Variants in CDH13 observed in about 807,000 individuals in gnomAD.
CDH13 encodes cadherin-13.
In CDH13, 24 loss-of-function variants were observed where a neutral mutation model predicts 63.8. The ratio of observed to expected loss-of-function variants is 0.38; its 90% CI spans 0.27 to 0.53. The LOEUF is 0.53. Among genes scored for constraint, CDH13 ranks in the 20% least tolerant of loss-of-function variants. The pLI is 0.85. For synonymous variants in CDH13, 503 were observed against 355.3 expected (o/e 1.42, Z -4.67); for missense variants, 1,049 against 903.1 (o/e 1.16, Z -2.07).
chr16:82,786,447 T>C (rs1238867863), intron 1 of CDH13, among the ~76,000 whole-genome samples: 7 of 151,232 alleles, frequency 4.6e-5, no homozygotes, highest in Non-Finnish European at 1.0e-4. Context: ...TTTTTTTTTT[T>C]TTTTTTTTCC....
intron 1 of CDH13, among the ~76,000 whole-genome samples, chr16:82,751,462 C>T (rs1009049211): frequency 1.3e-5 from 2 of 152,160 alleles, no homozygotes; most frequent in African/African-American, 4.8e-5. Context: ...CCTTGCCCTA[C>T]ACAAGGCACA....
At chr16:83,171,578 A>T in intron 4 of CDH13, 1 of 1,532,036 alleles carries the variant, frequency 6.5e-7, no homozygotes. Context: ...ATAAGTGCAC[A>T]GGAAATTTTG....
At chr16:82,667,446 C>T (rs1437066333) in intron 1 of CDH13, among the ~76,000 whole-genome samples, 2 of 152,168 alleles carry the variant, frequency 1.3e-5, no homozygotes, top group Non-Finnish European at 2.9e-5. Context: ...GAAATAATTC[C>T]TCCACTCATT....
intron 2 of CDH13, among the ~76,000 whole-genome samples, chr16:82,860,931 TCA>T (rs1399782226): frequency 6.6e-6 from 1 of 152,170 alleles, no homozygotes; most frequent in Non-Finnish European, 1.5e-5. Flanking sequence ...CCCCTCTCTC[TCA>T]TTCTCAGTTT....
At chr16:83,013,086 A>G (rs1209504903) in intron 2 of CDH13, among the ~76,000 whole-genome samples, 4 of 152,250 alleles carry the variant, frequency 2.6e-5, no homozygotes, top group Admixed American at 6.5e-5. Flanking sequence ...GAGAAAAAAT[A>G]TGACCTTGGC....
intron 3 of CDH13, among the ~76,000 whole-genome samples, chr16:83,123,453 A>G (rs1262353749): frequency 6.6e-6 from 1 of 151,712 alleles, no homozygotes; most frequent in Non-Finnish European, 1.5e-5. Flanking sequence ...CTAATTTTGT[A>G]TTTTTAGTAG....
intron 2 of CDH13, among the ~76,000 whole-genome samples, chr16:82,960,522 A>C (rs1906806155): frequency 6.6e-6 from 1 of 152,214 alleles, no homozygotes; most frequent in Non-Finnish European, 1.5e-5. Context: ...ATGTCTATAA[A>C]TATGCCCGAT....
intron 2 of CDH13, among the ~76,000 whole-genome samples, chr16:82,963,396 A>G (rs959456227): frequency 1.3e-5 from 2 of 152,134 alleles, no homozygotes; most frequent in African/African-American, 4.8e-5. Context: ...AAGAAAAGAA[A>G]TAACTGGAAA....
chr16:83,443,676 G>C (rs1303027220), intron 6 of CDH13, among the ~76,000 whole-genome samples: 21 of 144,114 alleles, frequency 1.5e-4, no homozygotes, highest in Admixed American at 3.5e-4. Context: ...TTTGAGGCCA[G>C]CCTGGGCAAC....
intron 5 of CDH13, among the ~76,000 whole-genome samples, chr16:83,218,822 T>A (rs2039614204): frequency 6.6e-6 from 1 of 152,116 alleles, no homozygotes; most frequent in Non-Finnish European, 1.5e-5. Flanking sequence ...GGGAGGTAAT[T>A]GAGTCATGGG....
At chr16:83,317,151 T>C (rs926547944) in intron 5 of CDH13, among the ~76,000 whole-genome samples, 2 of 152,170 alleles carry the variant, frequency 1.3e-5, no homozygotes, top group African/African-American at 2.4e-5. Context: ...CACCCACCAT[T>C]AATTATCTGG....
chr16:83,663,169 C>T (rs1913597469), intron 8 of CDH13, among the ~76,000 whole-genome samples: 1 of 152,166 alleles, frequency 6.6e-6, no homozygotes, highest in African/African-American at 2.4e-5. Context: ...GGAGTGGTTA[C>T]CCCGGAGTCA....
intron 6 of CDH13, among the ~76,000 whole-genome samples, chr16:83,462,020 T>G (rs1215218613): frequency 5.3e-5 from 8 of 152,346 alleles, no homozygotes; most frequent in Non-Finnish European, 2.9e-5. Flanking sequence ...TCCCTTCCAC[T>G]TCGTGGCTCT....
intron 4 of CDH13, among the ~76,000 whole-genome samples, chr16:83,201,096 G>T (rs543344619): frequency 6.6e-6 from 1 of 152,228 alleles, no homozygotes; most frequent in East Asian, 1.9e-4. Context: ...AAGCCATTTT[G>T]AAACCAGGGT....
chr16:83,571,418 AC>A (rs1399448651), intron 7 of CDH13, among the ~76,000 whole-genome samples: 4 of 152,316 alleles, frequency 2.6e-5, no homozygotes, highest in Admixed American at 2.6e-4. Context: ...AGAAAAAAAA[AC>A]TGGCCCTTAA....
intron 6 of CDH13, among the ~76,000 whole-genome samples, chr16:83,461,475 C>T (rs961859415): frequency 7.9e-5 from 12 of 152,104 alleles, no homozygotes; most frequent in Non-Finnish European, 1.5e-4. Flanking sequence ...TGAAATCTTC[C>T]CCTTGAGATT....
intron 2 of CDH13, among the ~76,000 whole-genome samples, chr16:82,977,483 C>G: frequency 6.6e-6 from 1 of 152,112 alleles, no homozygotes; most frequent in East Asian, 1.9e-4. Flanking sequence ...TGAGTTCTCA[C>G]GAGATGTGAT....
intron 2 of CDH13, among the ~76,000 whole-genome samples, chr16:82,882,116 T>C (rs910269967): frequency 6.6e-6 from 1 of 152,174 alleles, no homozygotes; most frequent in African/African-American, 2.4e-5. Flanking sequence ...AAAATAAATA[T>C]CAGGAATTTT....
At chr16:83,194,930 A>G (rs1289481696) in intron 4 of CDH13, among the ~76,000 whole-genome samples, 1 of 152,330 alleles carries the variant, frequency 6.6e-6, no homozygotes, top group East Asian at 1.9e-4. Context: ...TTGACATACA[A>G]ACCCATAACA....
Sources: allele counts gnomAD v4.1 joint callset (sites outside exome capture counted in the v4.1 genomes callset), GRCh38; gene constraint gnomAD v4.1.1; transcripts MANE v1.5; gene names NCBI Gene and HGNC (gene_info 2026-07-23, HGNC 2026-07-21).